The following TMC8 variants were observed in gnomAD, a reference collection of about 807,000 sequenced individuals.
TMC8 encodes transmembrane channel like 8, also known as transmembrane channel-like protein 8.
TMC8 carries 71 observed loss-of-function variants against 76.0 expected under a neutral mutation model. That is an observed-to-expected ratio of 0.93 (90% confidence interval 0.77 to 1.14). The LOEUF (loss-of-function observed/expected upper bound fraction) is 1.14, where lower values mean the gene tolerates loss of function less well. Ranked by LOEUF, TMC8 falls within the 50% of genes most tolerant of loss-of-function variation. The probability of loss-of-function intolerance (pLI) is 0.00; values close to 1 mark genes in which losing one functional copy is unlikely to be tolerated. For synonymous variants in TMC8, 433 were observed against 433.8 expected (o/e 1.00, Z 0.02); for missense variants, 924 against 947.9 (o/e 0.97, Z 0.33).
chr17:78,131,330 G>A lies in TMC8; in HGVS notation c.-259G>A. 1 of 584,472 alleles carries A rather than the reference G, an allele frequency of 1.7e-6. No individual in the cohort carries two copies. The highest frequency in any genetic ancestry group is 3.0e-6 in the Non-Finnish European group (1 of 327,926). The allele number at this position is 584,472 out of a possible 1,614,324, so 36.2% of individuals were successfully genotyped here. A position where few individuals can be genotyped will look rare whatever the true frequency, so the allele number is the denominator to read the frequency against. On this transcript the variant is annotated 5_prime_UTR_variant, in exon 2 of 16. Coordinates refer to ENST00000318430, the MANE Select transcript of TMC8 (RefSeq NM_152468.5). ...TGTGTCCCTCTGAGAGTTGGAGCGG[G>A]GCTGGGCCCGAATTCGACCGCAGCA...
At position 78,131,862 on chromosome 17, in the gene TMC8, CT is replaced by C. The variant is rs1315890145; in HGVS notation, c.150-19del. On this transcript the variant is annotated intron_variant, in intron 2 of 15. Transcript: ENST00000318430. ...CAGGGCGGGTGACTCAGGGGCGCCC[CT>C]GTCACCACCCCCGTCCAGGCAGCTG... is the stretch of plus-strand genomic sequence containing the variant. 3 of 1,461,962 alleles carry C rather than the reference CT, an allele frequency of 2.1e-6. No homozygotes were observed. The highest frequency in any genetic ancestry group is 2.9e-5 in the African/African-American group (2 of 70,050). 90.6% of individuals were successfully genotyped at this position (1,461,962 alleles called of 1,614,324 possible).
At chr17:78,139,316 A>G in intron 15 of TMC8, 76 bp downstream of exon 15, 1 of 1,555,712 alleles carries the variant, frequency 6.4e-7, no homozygotes, top group Middle Eastern at 2.1e-4. Context: ...GAGGGCCTAG[A>G]ACACGTCTGA....
chr17:78,132,162 C>T, intron 3 of TMC8, 132 bp downstream of exon 3: 1 of 1,443,228 alleles, frequency 6.9e-7, no homozygotes, highest in East Asian at 2.5e-5. Context: ...TCCCCCCTCC[C>T]ACCCCTTCCG....
At position 78,134,495 on chromosome 17, in the gene TMC8, C is replaced by T. The variant is rs149203228; in HGVS notation, c.918C>T (p.Asn306=). 1.3e-3 allele frequency: 2,093 copies of T among 1,614,110 alleles called. 5 individuals carry two copies. The highest frequency in any genetic ancestry group is 1.8e-3 in the South Asian group (168 of 91,088). ...LLSYLRVNVL[N]GLLVVGAISA... ...CCTACCTGCGGGTCAACGTACTCAA[C>T]GGGCTCCTGGTGGTTGGGGCCATCA... Residue 306 remains asparagine, a synonymous_variant, in exon 8 of 16, where the codon AAC becomes AAT. Coordinates refer to ENST00000318430, the MANE Select transcript of TMC8 (RefSeq NM_152468.5).
chr17:78,140,653 G>A (rs886600063), intron 15 of TMC8, among the ~76,000 whole-genome samples, 181 bp from the exon 16 acceptor site: 3 of 150,844 alleles, frequency 2.0e-5, no homozygotes, highest in African/African-American at 7.3e-5. Context: ...GCGGGACCCT[G>A]GTGGGGCGTG....
intron 15 of TMC8, 51 bp from the exon 16 acceptor site, chr17:78,140,783 C>T (rs1373386498): frequency 8.9e-6 from 14 of 1,569,536 alleles, no homozygotes; most frequent in Non-Finnish European, 1.2e-5. Flanking sequence ...TCCTCACACC[C>T]GCTCGTGGGA....
At position 78,142,690 on chromosome 17, in the gene TMC8, G is replaced by A. The variant is rs11650167; in HGVS notation, c.*1578G>A. On this transcript the variant is annotated 3_prime_UTR_variant, in exon 16 of 16. Coordinates refer to ENST00000318430, the MANE Select transcript of TMC8 (RefSeq NM_152468.5). ...ACTCATGTTGTTAATTAGCGGCTTAGGGCCAAAGGTGGCCCCTGGACCAGT... is the reference window on the plus strand; with the variant it reads ...ACTCATGTTGTTAATTAGCGGCTTAAGGCCAAAGGTGGCCCCTGGACCAGT... 1.3e-5 allele frequency: 2 copies of A among 152,292 alleles called. No individual in the cohort carries two copies. The highest frequency in any genetic ancestry group is 2.9e-5 in the Non-Finnish European group (2 of 68,086). The allele number at this position is 152,292 out of a possible 1,614,324, so 9.4% of individuals were successfully genotyped here. A position where few individuals can be genotyped will look rare whatever the true frequency, so the allele number is the denominator to read the frequency against.
In TMC8 at chr17:78,132,157, C is replaced by T. The variant is rs1258515002; in HGVS notation, c.298+127C>T. 4.8e-6 allele frequency: 7 copies of T among 1,449,854 alleles called. No individual in the cohort carries two copies. The East Asian group carries it at 9.9e-5, about 20-fold the overall frequency. 89.8% of individuals were successfully genotyped at this position (1,449,854 alleles called of 1,614,324 possible). On this transcript the variant is annotated intron_variant, in intron 3 of 15. Transcript: ENST00000318430. Reference sequence around the variant, plus strand: ...TCCCCCGACCAATCGGCCCCTCCCCCCTCCCACCCCTTCCGCCCGCAGGCA... The same window carrying T: ...TCCCCCGACCAATCGGCCCCTCCCCTCTCCCACCCCTTCCGCCCGCAGGCA...
rs112802399 is a variant in TMC8, at chr17:78,134,906, G to A, written c.1024G>A (p.Gly342Arg). 2 of 1,614,066 alleles carry A rather than the reference G, an allele frequency of 1.2e-6. No homozygotes were observed. The highest frequency in any genetic ancestry group is 1.7e-6 in the Non-Finnish European group (2 of 1,180,002). The change falls in exon 9 of 16, where the codon GGG becomes AGG. Residue 342 changes from glycine to arginine, a missense_variant. By Grantham distance (125) the Gly-to-Arg change is moderately radical. Transcript: ENST00000318430. ...TCTGCTGCTCCAGTACCTGCCCCCTGGGGTCATCGCCCTGGTCAACTTCCT... is the reference window on the plus strand; with the variant it reads ...TCTGCTGCTCCAGTACCTGCCCCCTAGGGTCATCGCCCTGGTCAACTTCCT... Reference protein sequence around the residue: ...LFLLLQYLPPGVIALVNFLGP... With the variant: ...LFLLLQYLPPRVIALVNFLGP...
intron 15 of TMC8, 22 bp from the exon 16 acceptor site, chr17:78,140,812 T>C: frequency 6.3e-7 from 1 of 1,594,874 alleles, no homozygotes; most frequent in Non-Finnish European, 8.5e-7. Flanking sequence ...CTGTCGCAAC[T>C]CGCCACTTGT....
In TMC8 at chr17:78,141,137, C is replaced by T. The variant is rs745720379; in HGVS notation, c.*25C>T. On this transcript the variant is annotated 3_prime_UTR_variant, in exon 16 of 16. Transcript: ENST00000318430. ...ACCCCTACCCCTGCCTCCCCGAAGC[C>T]TCCCTGGGGCCCCTTCAGGCCTCCT... 1 of 1,527,534 alleles carries T rather than the reference C, an allele frequency of 6.5e-7. No individual in the cohort carries two copies. Among genetic ancestry groups the T allele is most frequent in the Admixed American group, 2.0e-5 (1 of 50,738 alleles). 94.6% of individuals were successfully genotyped at this position (1,527,534 alleles called of 1,614,324 possible).
intron 15 of TMC8, among the ~76,000 whole-genome samples, chr17:78,139,894 C>T (rs1056835461): frequency 3.9e-5 from 6 of 152,022 alleles, no homozygotes; most frequent in African/African-American, 1.2e-4. Context: ...ATTAGCTGGG[C>T]GTGATGGTGG....
chr17:78,132,098 G>T, intron 3 of TMC8, 68 bp downstream of exon 3: 1 of 1,532,292 alleles, frequency 6.5e-7, no homozygotes, highest in South Asian at 1.2e-5. Context: ...TCGGAAAAAG[G>T]AGAGTGGCAT....
chr17:78,139,037 A>G, intron 14 of TMC8, 125 bp from the exon 15 acceptor site: 1 of 1,579,516 alleles, frequency 6.3e-7, no homozygotes, highest in African/African-American at 1.3e-5. Flanking sequence ...CCTCAGATAC[A>G]GCAGTGTGCA....
intron 15 of TMC8, among the ~76,000 whole-genome samples, chr17:78,140,561 C>G (rs899553289): frequency 6.6e-6 from 1 of 151,232 alleles, no homozygotes; most frequent in African/African-American, 2.4e-5. Flanking sequence ...AGGTCGTGGT[C>G]TCGGGCGGGG....
Position 78,134,388 on chromosome 17 carries a change from G to T in TMC8, c.817-6G>T, listed in dbSNP as rs377044337. ...CAGCTGCCTCTGTCCCCACCCTTCC[G>T]GGCAGGTGGAGCTGGAGGAGGGCCG... On this transcript the variant is annotated splice_region_variant and splice_polypyrimidine_tract_variant and intron_variant, in intron 7 of 15. Coordinates refer to ENST00000318430, the MANE Select transcript of TMC8 (RefSeq NM_152468.5). 7 of 1,609,350 alleles carry T rather than the reference G, an allele frequency of 4.3e-6. No individual in the cohort carries two copies. The highest frequency in any genetic ancestry group is 1.7e-5 in the Admixed American group (1 of 59,990).
At chr17:78,139,014 A>AG in intron 14 of TMC8, 148 bp from the exon 15 acceptor site, 1 of 1,572,238 alleles carries the variant, frequency 6.4e-7, no homozygotes, top group Middle Eastern at 1.7e-4. Context: ...GAGGAAGGAG[A>AG]GGAGGGTCCC....
At chr17:78,140,151 CG>C (rs992275383) in intron 15 of TMC8, among the ~76,000 whole-genome samples, 2 of 152,126 alleles carry the variant, frequency 1.3e-5, no homozygotes, top group Non-Finnish European at 2.9e-5. Context: ...AGCAAGACCT[CG>C]TCTCTACTAA....
At chr17:78,137,425 G>T in intron 10 of TMC8, 67 bp downstream of exon 10, 4 of 1,610,736 alleles carry the variant, frequency 2.5e-6, no homozygotes, top group South Asian at 1.1e-5. Context: ...CTCAAACTGT[G>T]CAGAGCCCTG....
Sources: gnomAD v4.1 joint callset for allele counts (sites outside exome capture counted in the v4.1 genomes callset) on GRCh38, gnomAD v4.1.1 for gene constraint, MANE v1.5 for transcripts, NCBI Gene and HGNC (gene_info 2026-07-23, HGNC 2026-07-21) for gene names.